Variants in NEK4 observed in about 807,000 individuals in gnomAD.
NEK4 encodes NIMA related kinase 4, also known as serine/threonine-protein kinase Nek4.
Under a neutral mutation model 98.4 loss-of-function variants are expected in NEK4, and 86 were observed. That is an observed-to-expected ratio of 0.87 (90% CI 0.73 to 1.05). The LOEUF is 1.05. NEK4 is among the 50% of genes least tolerant of loss of function. The pLI is 0.00. For synonymous variants in NEK4, 328 were observed against 342.2 expected (o/e 0.96, Z 0.46); for missense variants, 898 against 950.3 (o/e 0.94, Z 0.72).
intron 15 of NEK4, chr3:52,733,437 A>C (rs1578640479): frequency 5.1e-6 from 2 of 390,042 alleles, no homozygotes; most frequent in East Asian, 1.3e-4. Context: ...CATTCTGGAG[A>C]AAAACCTTAC....
chr3:52,744,500 A>G (rs982139722), intron 10 of NEK4, among the ~76,000 whole-genome samples, 195 bp from the exon 11 acceptor site: 2 of 152,112 alleles, frequency 1.3e-5, no homozygotes, highest in African/African-American at 4.8e-5. Context: ...ACTGGCCAAC[A>G]TGGTGAAACC....
At chr3:52,743,953 C>T (rs543626213) in intron 11 of NEK4, among the ~76,000 whole-genome samples, 86 of 152,316 alleles carry the variant, frequency 5.6e-4, no homozygotes, top group African/African-American at 2.0e-3. Context: ...AAAAGTTAAA[C>T]ATTCACTTGA....
intron 6 of NEK4, among the ~76,000 whole-genome samples, chr3:52,756,716 A>G (rs2097415691): frequency 6.6e-6 from 1 of 152,188 alleles, no homozygotes; most frequent in Non-Finnish European, 1.5e-5. Flanking sequence ...TGGATAGGAC[A>G]CCAAAGGCAC....
intron 12 of NEK4, among the ~76,000 whole-genome samples, chr3:52,743,024 A>G (rs1054831748): frequency 3.3e-5 from 5 of 152,104 alleles, no homozygotes; most frequent in African/African-American, 1.2e-4. Context: ...GGCTAAAGCA[A>G]TCTTCTCACC....
intron 4 of NEK4, among the ~76,000 whole-genome samples, chr3:52,765,286 G>A (rs551854033): frequency 1.3e-5 from 2 of 151,774 alleles, no homozygotes; most frequent in Non-Finnish European, 2.9e-5. Context: ...AGGAGGTAGA[G>A]GTTGCTGTGA....
chr3:52,762,971 G>A (rs1450304966), intron 5 of NEK4, among the ~76,000 whole-genome samples: 1 of 152,136 alleles, frequency 6.6e-6, no homozygotes, highest in East Asian at 1.9e-4. Context: ...ACTCCCATAT[G>A]AAATACGTCC....
In NEK4 at chr3:52,746,041, C is replaced by T; in HGVS notation, c.1827+20G>A. 1 of 1,609,240 alleles carries T rather than the reference C, an allele frequency of 6.2e-7. No homozygotes were observed. The highest frequency in any genetic ancestry group is 2.2e-5 in the East Asian group (1 of 44,846). On this transcript the variant is annotated intron_variant, in intron 10 of 15. Transcript: ENST00000233027. ...TCTGGTTATAAGGTTTTTAAAAATC[C>T]AGCATATGTTCCCACAAACCTTTGA...
rs1698760703 is a variant in NEK4 at position 52,770,902 on chromosome 3, G to C, written c.-156C>G. 4 of 632,852 alleles carry C rather than the reference G, an allele frequency of 6.3e-6. No homozygotes were observed. The Admixed American group carries it at 8.5e-5, about 13-fold the overall frequency. 39.2% of individuals were successfully genotyped at this position (632,852 alleles called of 1,614,324 possible). A position where few individuals can be genotyped will look rare whatever the true frequency, so the allele number is the denominator to read the frequency against. ...GGATTGCTGGGGCCCGGCCCGCGACGACGCCGCTGCCATAGCGATCCGGGC... is the reference window on the plus strand; with the variant it reads ...GGATTGCTGGGGCCCGGCCCGCGACCACGCCGCTGCCATAGCGATCCGGGC... On this transcript the variant is annotated 5_prime_UTR_variant, in exon 1 of 16. Transcript: ENST00000233027.
intron 13 of NEK4, among the ~76,000 whole-genome samples, 175 bp downstream of exon 13, chr3:52,741,236 C>CA (rs35123782): frequency 0.05 from 2,973 of 59,162 alleles, 175 homozygotes; most frequent in African/African-American, 0.15. Flanking sequence ...AACTCCGTCT[C>CA]AAAAAAAAAA....
rs751234840 is a variant in NEK4, at chr3:52,737,601, A to ATCC, written c.2415_2417dup (p.Glu805dup). 46 of 1,613,914 alleles carry ATCC rather than the reference A, an allele frequency of 2.9e-5. No individual in the cohort carries two copies. The highest frequency in any genetic ancestry group is 3.7e-5 in the Non-Finnish European group (44 of 1,179,846). On this transcript the variant is annotated inframe_insertion, in exon 15 of 16. Coordinates refer to ENST00000233027, the MANE Select transcript of NEK4 (RefSeq NM_003157.6). ...AGACACTCACCTCTCTATCAAATTC[A>ATCC]TCCTCCTCCTCCAAAAGATCATACA...
intron 15 of NEK4, among the ~76,000 whole-genome samples, chr3:52,714,220 A>G (rs986530699): frequency 6.6e-6 from 1 of 152,180 alleles, no homozygotes; most frequent in Non-Finnish European, 1.5e-5. Context: ...CGGGCTACAG[A>G]GCAACTCAAA....
chr3:52,747,947 A>AC (rs2097399043), intron 8 of NEK4, among the ~76,000 whole-genome samples: 1 of 151,650 alleles, frequency 6.6e-6, no homozygotes, highest in Admixed American at 6.6e-5. Flanking sequence ...TGTCTCAAAA[A>AC]AAAAAATTAT....
intron 15 of NEK4, among the ~76,000 whole-genome samples, chr3:52,714,958 AGCT>A (rs1377325263): frequency 6.6e-6 from 1 of 152,214 alleles, no homozygotes; most frequent in Non-Finnish European, 1.5e-5. Context: ...GGGGAAAGTA[AGCT>A]GAGGGGGAGT....
rs952083696 is a variant in NEK4, at chr3:52,709,809, A to G, written c.*1968T>C. ...AATTAAGTAAAACTGATGACTCTCC[A>G]GAACGATGTGGATTTCCAAAACATG... On this transcript the variant is annotated 3_prime_UTR_variant, in exon 16 of 16. Transcript: ENST00000233027. 6.6e-6 allele frequency: 1 copy of G among 152,086 alleles called. No individual in the cohort carries two copies. Among genetic ancestry groups the G allele is most frequent in the Non-Finnish European group, 1.5e-5 (1 of 68,026 alleles). The allele number at this position is 152,086 out of a possible 1,614,324, so 9.4% of individuals were successfully genotyped here.
chr3:52,712,041 G>A (rs551521113), intron 15 of NEK4, among the ~76,000 whole-genome samples, 172 bp from the exon 16 acceptor site: 14 of 152,254 alleles, frequency 9.2e-5, no homozygotes, highest in Admixed American at 3.3e-4. Flanking sequence ...TCGAAAAGTC[G>A]TAAGAAATTA....
intron 15 of NEK4, among the ~76,000 whole-genome samples, chr3:52,722,729 C>T (rs1430392586): frequency 2.6e-5 from 4 of 151,816 alleles, no homozygotes; most frequent in African/African-American, 4.8e-5. Context: ...ATGGCGAAAC[C>T]CCGTCTCTAC....
chr3:52,763,737 A>ACAAT, intron 4 of NEK4, 113 bp from the exon 5 acceptor site: 1 of 724,106 alleles, frequency 1.4e-6, no homozygotes, highest in South Asian at 2.1e-5. Flanking sequence ...TAAGCAGAAA[A>ACAAT]CAATCAGTAT....
At chr3:52,758,699 T>C (rs916411374) in intron 6 of NEK4, among the ~76,000 whole-genome samples, 2 of 151,194 alleles carry the variant, frequency 1.3e-5, no homozygotes, top group South Asian at 2.1e-4. Context: ...AGACAACCTA[T>C]ACAATGGAGA....
Position 52,746,850 on chromosome 3 carries a change from A to T in NEK4, c.1561T>A (p.Leu521Ile). 1 of 1,614,052 alleles carries T rather than the reference A, an allele frequency of 6.2e-7. No homozygotes were observed. The highest frequency in any genetic ancestry group is 8.5e-7 in the Non-Finnish European group (1 of 1,179,958). The change falls in exon 9 of 16, where the codon TTA (leucine) becomes ATA (isoleucine). Residue 521 changes from leucine (L) to isoleucine (I), a missense_variant. By Grantham distance (5) the Leu-to-Ile change is conservative. Coordinates refer to ENST00000233027, the MANE Select transcript of NEK4 (RefSeq NM_003157.6). ...IEKQGRIHPDLQPHNSGSEPS... is the reference protein window; with the variant it reads ...IEKQGRIHPDIQPHNSGSEPS... ...TCAGACCCAGAGTTGTGTGGCTGTA[A>T]ATCTGGGTGGATTCTGCCCTGTTTT...
Sources: allele counts gnomAD v4.1 joint callset (sites outside exome capture counted in the v4.1 genomes callset), GRCh38; gene constraint gnomAD v4.1.1; transcripts MANE v1.5; gene names NCBI Gene and HGNC (gene_info 2026-07-23, HGNC 2026-07-21).